The following MED27 variants were observed in gnomAD, a reference collection of about 807,000 sequenced individuals.
The protein encoded by MED27 is mediator complex subunit 27, also known as mediator of RNA polymerase II transcription subunit 27.
Under a neutral mutation model 38.2 loss-of-function variants are expected in MED27, and 30 were observed. The observed-to-expected ratio is 0.79, with a 90% CI of 0.59 to 1.07. MED27 has a LOEUF of 1.07. Among genes scored for constraint, MED27 ranks in the 50% least tolerant of loss-of-function variants. The probability of loss-of-function intolerance (pLI) is 0.00; values close to 1 mark genes in which losing one functional copy is unlikely to be tolerated. For missense variants in MED27, 289 were observed against 397.5 expected (o/e 0.73, Z 2.32); for synonymous variants, 122 against 153.5 (o/e 0.79, Z 1.52).
intron 4 of MED27, among the ~76,000 whole-genome samples, chr9:131,926,215 C>T (rs558561470): frequency 2.6e-4 from 39 of 152,362 alleles, no homozygotes; most frequent in African/African-American, 4.8e-4. Flanking sequence ...GTGTGGTCCA[C>T]GCCGAACAGT....
intron 4 of MED27, among the ~76,000 whole-genome samples, chr9:131,918,315 TA>T (rs987878930): frequency 6.6e-6 from 1 of 152,218 alleles, no homozygotes; most frequent in African/African-American, 2.4e-5. Flanking sequence ...TAATGTAGAC[TA>T]AATATTTTTG....
At chr9:131,880,196 T>A (rs77862625) in intron 6 of MED27, among the ~76,000 whole-genome samples, 1 of 144,764 alleles carries the variant, frequency 6.9e-6, no homozygotes, top group South Asian at 2.1e-4. Flanking sequence ...AGAAACAGGC[T>A]TTTTTTTTTT....
chr9:131,873,251 G>A (rs1053981536), intron 6 of MED27, among the ~76,000 whole-genome samples: 1 of 152,218 alleles, frequency 6.6e-6, no homozygotes, highest in African/African-American at 2.4e-5. Flanking sequence ...CCTGCCAGCA[G>A]TGTTGCTCTA....
At chr9:132,059,550 G>T (rs1240083615) in intron 2 of MED27, among the ~76,000 whole-genome samples, 1 of 152,222 alleles carries the variant, frequency 6.6e-6, no homozygotes, top group Non-Finnish European at 1.5e-5. Context: ...ATGCAGTCAT[G>T]CTCTGAGCCA....
intron 4 of MED27, among the ~76,000 whole-genome samples, chr9:131,903,249 G>A (rs1340635562): frequency 6.6e-6 from 1 of 152,226 alleles, no homozygotes; most frequent in Non-Finnish European, 1.5e-5. Context: ...ATGGCAGCAG[G>A]CAAAGAGAGA....
At chr9:132,015,985 G>A (rs1028749663) in intron 2 of MED27, among the ~76,000 whole-genome samples, 3 of 152,180 alleles carry the variant, frequency 2.0e-5, no homozygotes, top group African/African-American at 7.2e-5. Context: ...CATACAAATA[G>A]TAATTCATTC....
chr9:131,920,828 G>T (rs1267467256), intron 4 of MED27, among the ~76,000 whole-genome samples: 1 of 152,038 alleles, frequency 6.6e-6, no homozygotes, highest in African/African-American at 2.4e-5. Flanking sequence ...CTGTCACAGG[G>T]GACACAGGCT....
chr9:132,068,382 G>A (rs1319995547), intron 2 of MED27, among the ~76,000 whole-genome samples: 1 of 152,162 alleles, frequency 6.6e-6, no homozygotes, highest in African/African-American at 2.4e-5. Flanking sequence ...GAGAGAGAGG[G>A]AGGAAATCAC....
intron 2 of MED27, among the ~76,000 whole-genome samples, chr9:132,067,258 G>T (rs1234945195): frequency 6.6e-6 from 1 of 152,182 alleles, no homozygotes; most frequent in East Asian, 1.9e-4. Flanking sequence ...AGTCCAGCAG[G>T]TGTCAGGTAA....
chr9:131,957,137 A>G (rs1465485920), intron 3 of MED27, among the ~76,000 whole-genome samples: 1 of 152,234 alleles, frequency 6.6e-6, no homozygotes, highest in Non-Finnish European at 1.5e-5. Flanking sequence ...TTTCTTATAG[A>G]GGTAAATATA....
intron 3 of MED27, among the ~76,000 whole-genome samples, chr9:131,967,522 G>A (rs1279041362): frequency 1.4e-5 from 2 of 147,236 alleles, no homozygotes; most frequent in African/African-American, 2.5e-5. Context: ...ATGGAGTTTC[G>A]CTCTTGTTGC....
intron 3 of MED27, among the ~76,000 whole-genome samples, chr9:131,971,358 CAG>C (rs1831471939): frequency 6.6e-6 from 1 of 152,098 alleles, no homozygotes; most frequent in African/African-American, 2.4e-5. Flanking sequence ...TTAGCAAGGA[CAG>C]GGGGAGAGAG....
intron 2 of MED27, among the ~76,000 whole-genome samples, chr9:132,055,319 G>A (rs1381954188): frequency 6.6e-6 from 1 of 152,164 alleles, no homozygotes; most frequent in Non-Finnish European, 1.5e-5. Flanking sequence ...GAATCTATAA[G>A]GAACTGGAAA....
chr9:131,898,430 G>A (rs1829870637), intron 4 of MED27, among the ~76,000 whole-genome samples: 1 of 152,074 alleles, frequency 6.6e-6, no homozygotes, highest in South Asian at 2.1e-4. Context: ...GACCAGGCTG[G>A]TCTCGAACTC....
At chr9:132,059,586 G>A (rs556400738) in intron 2 of MED27, among the ~76,000 whole-genome samples, 3 of 152,304 alleles carry the variant, frequency 2.0e-5, no homozygotes, top group South Asian at 2.1e-4. Flanking sequence ...GGGGCGGGCC[G>A]AGGGAGGGCT....
intron 2 of MED27, chr9:132,073,532 T>C (rs1833985520): frequency 1.5e-6 from 2 of 1,338,354 alleles, no homozygotes; most frequent in African/African-American, 1.5e-5. Flanking sequence ...GGAAAGGCTC[T>C]GCGTTGCAAT....
At chr9:131,972,912 G>C (rs1272454101) in intron 3 of MED27, among the ~76,000 whole-genome samples, 1 of 152,170 alleles carries the variant, frequency 6.6e-6, no homozygotes, top group Non-Finnish European at 1.5e-5. Flanking sequence ...AGCCAGGTGT[G>C]ATGGTGTGCA....
chr9:132,011,319 C>T (rs1020095924), intron 3 of MED27, among the ~76,000 whole-genome samples: 7 of 152,108 alleles, frequency 4.6e-5, no homozygotes, highest in African/African-American at 1.7e-4. Flanking sequence ...ATCTTAATAA[C>T]TTTTTCAGAT....
At chr9:132,065,150 T>C (rs1260697145) in intron 2 of MED27, among the ~76,000 whole-genome samples, 1 of 152,176 alleles carries the variant, frequency 6.6e-6, no homozygotes, top group Non-Finnish European at 1.5e-5. Context: ...AGTGCGACCA[T>C]TTTCTCACAC....
Sources: allele counts gnomAD v4.1 joint callset (sites outside exome capture counted in the v4.1 genomes callset), GRCh38; gene constraint gnomAD v4.1.1; transcripts MANE v1.5; gene names NCBI Gene and HGNC (gene_info 2026-07-23, HGNC 2026-07-21).